The following CELF2 variants were observed in gnomAD, a reference collection of about 807,000 sequenced individuals.
The protein encoded by CELF2 is CUGBP Elav-like family member 2.
In CELF2, 8 loss-of-function variants were observed where a neutral mutation model predicts 62.6. The ratio of observed to expected loss-of-function variants is 0.13; its 90% CI spans 0.07 to 0.23. CELF2 has a LOEUF of 0.23. Among genes scored for constraint, CELF2 ranks in the 10% least tolerant of loss-of-function variants. The probability of loss-of-function intolerance (pLI) is 1.00; values close to 1 mark genes in which losing one functional copy is unlikely to be tolerated. For missense variants in CELF2, 333 were observed against 671.0 expected (o/e 0.50, Z 5.56); for synonymous variants, 258 against 250.0 (o/e 1.03, Z -0.30).
intron 1 of CELF2, among the ~76,000 whole-genome samples, chr10:11,074,553 T>G (rs1234016594): frequency 6.6e-6 from 1 of 152,242 alleles, no homozygotes; most frequent in African/African-American, 2.4e-5. Flanking sequence ...TTTGCCTAAT[T>G]AATATTCACT....
chr10:10,787,228 A>ACG, the CELF2 span, among the ~76,000 whole-genome samples: 1 of 150,440 alleles, frequency 6.6e-6, no homozygotes, highest in African/African-American at 2.4e-5. Context: ...GTTTGATGTC[A>ACG]CACACACACA....
intron 3 of CELF2, among the ~76,000 whole-genome samples, chr10:11,233,960 C>T (rs991167800): frequency 6.6e-6 from 1 of 152,212 alleles, no homozygotes; most frequent in African/African-American, 2.4e-5. Flanking sequence ...CATATGTGAA[C>T]ATTGCTGCAT....
chr10:10,937,685 A>G (rs1186951088), intron 2 of CELF2: 2 of 152,210 alleles, frequency 1.3e-5, no homozygotes, highest in African/African-American at 4.8e-5. Flanking sequence ...ATGAGTAGCT[A>G]TAATTGACAG....
In CELF2 at chr10:11,319,674, G is replaced by A. The variant is rs900416105; in HGVS notation, c.1097-1515G>A. On this transcript the variant is annotated intron_variant, in intron 10 of 12. Transcript: ENST00000633077. The surrounding 1 kb of genome is among the most constrained non-coding windows in gnomAD (Gnocchi z 4.4). ...CAGGAGGCTGCCACTCCATTCTCAC[G>A]CCATTCACACTCGTCTCGCCACCCC... is the stretch of plus-strand genomic sequence containing the variant. The A allele has an allele frequency of 2.4e-5, 10 of 423,378 alleles. No individual in the cohort carries two copies. The highest frequency in any genetic ancestry group is 1.2e-4 in the African/African-American group (6 of 49,316). 26.2% of individuals were successfully genotyped at this position (423,378 alleles called of 1,614,324 possible). A position where few individuals can be genotyped will look rare whatever the true frequency, so the allele number is the denominator to read the frequency against.
intron 1 of CELF2, among the ~76,000 whole-genome samples, chr10:11,115,399 C>A (rs990703268): frequency 9.2e-5 from 14 of 152,104 alleles, no homozygotes; most frequent in Admixed American, 7.9e-4. Context: ...GAACAGGGGT[C>A]ATTAGGAATT....
At chr10:10,924,689 C>G (rs1249482814) in intron 2 of CELF2, among the ~76,000 whole-genome samples, 1 of 135,036 alleles carries the variant, frequency 7.4e-6, no homozygotes, top group Non-Finnish European at 1.6e-5. Context: ...AAAATTTAGA[C>G]TTTTCTCTTG....
At chr10:10,475,425 C>G in the CELF2 span, among the ~76,000 whole-genome samples, 2 of 151,342 alleles carry the variant, frequency 1.3e-5, no homozygotes, top group African/African-American at 4.9e-5. Flanking sequence ...TACTGACTTA[C>G]CAACATCGCA....
the CELF2 span, among the ~76,000 whole-genome samples, chr10:10,462,615 C>CTTTTTTTTTTTTTTTTTTTTTTTTCT: frequency 1.4e-5 from 1 of 69,414 alleles, no homozygotes; most frequent in Non-Finnish European, 2.5e-5. Context: ...TTTTTTTCAT[C>CTTTTTTTTTTTTTTTTTTTTTTTTCT]TTTTTTTTTT....
chr10:11,230,224 G>A (rs905657117), intron 3 of CELF2, among the ~76,000 whole-genome samples: 4 of 152,204 alleles, frequency 2.6e-5, no homozygotes, highest in East Asian at 3.8e-4. Flanking sequence ...TGACAGATAC[G>A]TTAACTAGCT....
intron 1 of CELF2, among the ~76,000 whole-genome samples, chr10:10,848,018 C>T (rs529384249): frequency 2.2e-4 from 34 of 152,060 alleles, no homozygotes; most frequent in African/African-American, 7.9e-4. Flanking sequence ...TTTCTCCTCC[C>T]TCTCTCCCTC....
the CELF2 span, among the ~76,000 whole-genome samples, chr10:10,761,470 G>C: frequency 6.6e-6 from 1 of 152,156 alleles, no homozygotes; most frequent in Non-Finnish European, 1.5e-5. Context: ...TGGGCCACAG[G>C]GTACCCAGAT....
In CELF2 at chr10:11,110,783, G is replaced by C. The variant is rs1344358759; in HGVS notation, c.75-54703G>C. Among the ~76,000 whole-genome samples the C allele has an allele frequency of 1.3e-5, 2 of 152,120 alleles. No individual in the cohort carries two copies. The highest frequency in any genetic ancestry group is 4.8e-5 in the African/African-American group (2 of 41,430). On this transcript the variant is annotated intron_variant, in intron 1 of 12. Coordinates refer to ENST00000633077, the MANE Select transcript of CELF2 (RefSeq NM_001326342.2). This position sits in a 1 kb window ranked among gnomAD's most constrained non-coding sequence, Gnocchi z 4.0. Reference sequence around the variant, plus strand: ...CCACGGGAGGCCTCATCCGGGGGCAGTTTCTGCTTGTCAAGGAACTGCAAC... The same window carrying C: ...CCACGGGAGGCCTCATCCGGGGGCACTTTCTGCTTGTCAAGGAACTGCAAC...
chr10:11,152,003 C>A (rs577764760), intron 1 of CELF2, among the ~76,000 whole-genome samples: 1 of 152,300 alleles, frequency 6.6e-6, no homozygotes, highest in African/African-American at 2.4e-5. Flanking sequence ...GTTCAGGGAA[C>A]AAGAATTGCT....
chr10:10,624,952 G>C, the CELF2 span, among the ~76,000 whole-genome samples: 3 of 152,246 alleles, frequency 2.0e-5, no homozygotes, highest in Non-Finnish European at 4.4e-5. Flanking sequence ...GTCACACGAA[G>C]CTGCGCGGCT....
At chr10:10,595,453 G>T in the CELF2 span, among the ~76,000 whole-genome samples, 2 of 152,120 alleles carry the variant, frequency 1.3e-5, no homozygotes, top group Non-Finnish European at 2.9e-5. Context: ...TGAGGTGGGA[G>T]GCAGGACTCG....
intron 2 of CELF2, among the ~76,000 whole-genome samples, chr10:11,192,353 G>T (rs1250815857): frequency 6.6e-6 from 1 of 152,236 alleles, no homozygotes; most frequent in African/African-American, 2.4e-5. Context: ...ACATTCAAGG[G>T]CACCAGCTGT....
intron 2 of CELF2, among the ~76,000 whole-genome samples, chr10:10,988,313 A>G (rs2053041457): frequency 6.6e-6 from 1 of 150,880 alleles, no homozygotes; most frequent in African/African-American, 2.5e-5. Context: ...AGAGAGAGAG[A>G]GCATGGAATA....
At chr10:10,916,740 G>A (rs1320218262) in intron 1 of CELF2, among the ~76,000 whole-genome samples, 3 of 152,046 alleles carry the variant, frequency 2.0e-5, no homozygotes, top group Non-Finnish European at 4.4e-5. Flanking sequence ...AGCCTCCCGA[G>A]TAGCTGGGAT....
chr10:11,185,368 C>T (rs751225148), intron 2 of CELF2, among the ~76,000 whole-genome samples: 7 of 152,008 alleles, frequency 4.6e-5, no homozygotes, highest in Non-Finnish European at 1.0e-4. Context: ...ATTGAGCCAA[C>T]CTTGAATTGC....
Sources: gnomAD v4.1 joint callset for allele counts (sites outside exome capture counted in the v4.1 genomes callset) on GRCh38, gnomAD v4.1.1 for gene constraint, Gnocchi (gnomAD v3.1) non-coding constraint, MANE v1.5 for transcripts, NCBI Gene and HGNC (gene_info 2026-07-23, HGNC 2026-07-21) for gene names.